SPATA6: variants seen among roughly 807,000 people sequenced by gnomAD.
SPATA6 encodes the protein spermatogenesis associated 6, also known as spermatogenesis-associated protein 6.
A neutral mutation model predicts 65.3 loss-of-function variants in SPATA6; 56 were observed. That is an observed-to-expected ratio of 0.86 (90% CI 0.69 to 1.07). SPATA6 has a LOEUF of 1.07. Among genes scored for constraint, SPATA6 ranks in the 50% least tolerant of loss-of-function variants. The pLI is 0.00. For missense variants in SPATA6, 590 were observed against 594.8 expected, an observed-to-expected ratio of 0.99 and a Z score of 0.08; for synonymous variants, 199 against 213.2, an observed-to-expected ratio of 0.93 and a Z score of 0.58.
intron 8 of SPATA6, among the ~76,000 whole-genome samples, chr1:48,393,552 A>G (rs1027597666): frequency 8.5e-5 from 13 of 152,190 alleles, no homozygotes; most frequent in Admixed American, 3.3e-4. Context: ...ATTTAGCTTT[A>G]TAGATTAGTT....
chr1:48,276,482 T>C, the SPATA6 span, among the ~76,000 whole-genome samples: 1 of 152,244 alleles, frequency 6.6e-6, no homozygotes, highest in African/African-American at 2.4e-5. Flanking sequence ...GTGCTATACA[T>C]TTCCCTGTAA....
intron 11 of SPATA6, among the ~76,000 whole-genome samples, chr1:48,313,304 G>C (rs1312030457): frequency 6.6e-6 from 1 of 152,172 alleles, no homozygotes; most frequent in Admixed American, 6.5e-5. Context: ...GAAAGGTCGG[G>C]TTACCCACAA....
the SPATA6 span, among the ~76,000 whole-genome samples, chr1:48,266,389 G>A: frequency 6.6e-6 from 1 of 152,100 alleles, no homozygotes. Flanking sequence ...CCCACCGTGT[G>A]ACCCACAGGA....
rs1433559975 is a variant in SPATA6 at position 48,295,464 on chromosome 1, T to C, written c.*3249A>G. Reference sequence around the variant, plus strand: ...TGCATGAACTCTCAAAATATTTTGCTAAGTGAAAGAAGCCACATACAATAG... The same window carrying C: ...TGCATGAACTCTCAAAATATTTTGCCAAGTGAAAGAAGCCACATACAATAG... On this transcript the variant is annotated 3_prime_UTR_variant, in exon 13 of 13. Transcript: ENST00000371847. The C allele has an allele frequency of 3.9e-5, 6 of 152,190 alleles. No individual in the cohort carries two copies. The highest frequency in any genetic ancestry group is 1.4e-4 in the African/African-American group (6 of 41,456). The allele number at this position is 152,190 out of a possible 1,614,324, so 9.4% of individuals were successfully genotyped here.
the SPATA6 span, among the ~76,000 whole-genome samples, chr1:48,280,990 C>A: frequency 2.0e-5 from 3 of 152,160 alleles, no homozygotes; most frequent in African/African-American, 7.2e-5. Flanking sequence ...CCACCATGAT[C>A]AAGTGGGCTT....
At position 48,453,214 on chromosome 1, in the gene SPATA6, A is replaced by C. The variant is rs1015676666; in HGVS notation, c.52-83T>G. On this transcript the variant is annotated intron_variant, in intron 1 of 12. Transcript: ENST00000371847. ...ACTAAAATAACTTATCAAATATTAC[A>C]TAAAAACATTAGTCTGGTAATCTAA... 5.0e-6 allele frequency: 7 copies of C among 1,390,238 alleles called. No individual in the cohort carries two copies. The Admixed American group carries it at 1.5e-4, about 30-fold the overall frequency. The allele number at this position is 1,390,238 out of a possible 1,614,324, so 86.1% of individuals were successfully genotyped here.
intron 5 of SPATA6, among the ~76,000 whole-genome samples, chr1:48,409,164 T>C (rs953671762): frequency 2.6e-5 from 4 of 152,218 alleles, no homozygotes; most frequent in Admixed American, 2.0e-4. Context: ...AACGGGGGTA[T>C]AGGCATTGAG....
chr1:48,308,851 G>T (rs1438992380), intron 11 of SPATA6, among the ~76,000 whole-genome samples: 2 of 152,000 alleles, frequency 1.3e-5, no homozygotes, highest in Non-Finnish European at 2.9e-5. Flanking sequence ...CTCCCTTGCT[G>T]CTTTTAAGAT....
At chr1:48,357,587 G>A (rs914692371) in intron 10 of SPATA6, among the ~76,000 whole-genome samples, 1 of 152,032 alleles carries the variant, frequency 6.6e-6, no homozygotes, top group African/African-American at 2.4e-5. Context: ...AATTTTGCCT[G>A]GAACATATAA....
chr1:48,310,115 T>C (rs573619499), intron 11 of SPATA6, among the ~76,000 whole-genome samples: 8 of 152,302 alleles, frequency 5.3e-5, no homozygotes, highest in African/African-American at 1.4e-4. Flanking sequence ...AGGTTTTTCA[T>C]TGGTCTATTG....
At chr1:48,362,975 C>T (rs1328800271) in intron 9 of SPATA6, among the ~76,000 whole-genome samples, 1 of 151,958 alleles carries the variant, frequency 6.6e-6, no homozygotes, top group Non-Finnish European at 1.5e-5. Context: ...TAGGAAACAA[C>T]AATCACGGGT....
chr1:48,430,025 T>C (rs1217074976), intron 3 of SPATA6, among the ~76,000 whole-genome samples: 1 of 152,072 alleles, frequency 6.6e-6, no homozygotes, highest in Non-Finnish European at 1.5e-5. Context: ...ATGGACACAC[T>C]GGGGAAATCC....
chr1:48,301,874 G>A (rs780276617), intron 12 of SPATA6, among the ~76,000 whole-genome samples: 6 of 151,950 alleles, frequency 3.9e-5, no homozygotes, highest in African/African-American at 7.2e-5. Context: ...TACAAACATC[G>A]AACTAAAATG....
intron 9 of SPATA6, among the ~76,000 whole-genome samples, chr1:48,365,302 G>A (rs1046802029): frequency 1.2e-4 from 18 of 152,112 alleles, no homozygotes; most frequent in African/African-American, 4.3e-4. Flanking sequence ...GGTTCCATAT[G>A]AACTTTAAAG....
At chr1:48,436,651 G>A (rs1654966377) in intron 3 of SPATA6, 1 of 1,614,156 alleles carries the variant, frequency 6.2e-7, no homozygotes, top group Admixed American at 1.7e-5. Flanking sequence ...CAGCACATCA[G>A]TGCAGCCGTG....
At chr1:48,269,833 A>C in the SPATA6 span, among the ~76,000 whole-genome samples, 13 of 151,488 alleles carry the variant, frequency 8.6e-5, no homozygotes, top group Non-Finnish European at 8.8e-5. Flanking sequence ...TAAAATATAT[A>C]TATAAATAAA....
chr1:48,261,436 C>T, the SPATA6 span, among the ~76,000 whole-genome samples: 2 of 151,938 alleles, frequency 1.3e-5, no homozygotes, highest in African/African-American at 2.4e-5. Context: ...TATTCTATTA[C>T]GAAGAATGTA....
intron 8 of SPATA6, among the ~76,000 whole-genome samples, chr1:48,386,138 T>G (rs1649438376): frequency 1.3e-5 from 2 of 152,172 alleles, no homozygotes; most frequent in South Asian, 4.1e-4. Context: ...TTTAAGAGTA[T>G]GAAAACAATG....
At chr1:48,348,943 C>T (rs1425575359) in intron 11 of SPATA6, among the ~76,000 whole-genome samples, 2 of 151,892 alleles carry the variant, frequency 1.3e-5, no homozygotes, top group African/African-American at 2.4e-5. Context: ...CTTGGTTCAA[C>T]TCTAATGCAT....
Sources: gnomAD v4.1 joint callset for allele counts (sites outside exome capture counted in the v4.1 genomes callset) on GRCh38, gnomAD v4.1.1 for gene constraint, MANE v1.5 for transcripts, NCBI Gene and HGNC (gene_info 2026-07-23, HGNC 2026-07-21) for gene names.